Variants in FNDC3B observed in about 807,000 individuals in gnomAD.
FNDC3B encodes fibronectin type III domain-containing protein 3B.
Under a neutral mutation model 151.5 loss-of-function variants are expected in FNDC3B, and 12 were observed. The ratio of observed to expected loss-of-function variants is 0.08; its 90% confidence interval spans 0.05 to 0.13. The LOEUF is 0.13. FNDC3B is among the 10% of genes least tolerant of loss of function. The probability of loss-of-function intolerance (pLI) is 1.00; values close to 1 mark genes in which losing one functional copy is unlikely to be tolerated. For missense variants in FNDC3B, 1,214 were observed against 1,505.3 expected (o/e 0.81, Z 3.20); for synonymous variants, 528 against 549.0 (o/e 0.96, Z 0.54).
intron 1 of FNDC3B, among the ~76,000 whole-genome samples, chr3:172,062,227 T>C (rs1365765031): frequency 6.6e-6 from 1 of 152,110 alleles, no homozygotes; most frequent in Non-Finnish European, 1.5e-5. Flanking sequence ...CTTTTCCTTT[T>C]CTAGGGTTGG....
chr3:172,200,002 T>TATTC (rs1238059887), intron 3 of FNDC3B, among the ~76,000 whole-genome samples: 31,821 of 150,728 alleles, frequency 0.21, 4,171 homozygotes, highest in African/African-American at 0.37. Context: ...CAATACTTTG[T>TATTC]ATTCATTCAT....
chr3:172,351,086 C>A (rs1358296288), intron 21 of FNDC3B, among the ~76,000 whole-genome samples: 2 of 152,130 alleles, frequency 1.3e-5, no homozygotes, highest in African/African-American at 4.8e-5. Context: ...CAACTTTGCC[C>A]TTATGTAACT....
chr3:172,197,199 A>G (rs192878714), intron 3 of FNDC3B, among the ~76,000 whole-genome samples: 6 of 152,192 alleles, frequency 3.9e-5, no homozygotes, highest in African/African-American at 7.2e-5. Flanking sequence ...ATAAAATAAA[A>G]TAAAGTAAAA....
At chr3:172,120,602 T>A (rs1402366912) in intron 2 of FNDC3B, among the ~76,000 whole-genome samples, 1 of 152,150 alleles carries the variant, frequency 6.6e-6, no homozygotes, top group East Asian at 1.9e-4. Flanking sequence ...TGTTTTTGTT[T>A]TTTTACCTTT....
intron 3 of FNDC3B, among the ~76,000 whole-genome samples, chr3:172,177,060 G>C (rs1357312265): frequency 6.6e-6 from 1 of 152,178 alleles, no homozygotes; most frequent in Non-Finnish European, 1.5e-5. Context: ...AGATGGTGGA[G>C]GATGAGGAAC....
chr3:172,299,497 A>C (rs1730792946), intron 9 of FNDC3B, among the ~76,000 whole-genome samples: 1 of 152,244 alleles, frequency 6.6e-6, no homozygotes, highest in African/African-American at 2.4e-5. Flanking sequence ...TTTGCCAATA[A>C]GAAGGTCTGA....
At chr3:172,093,459 C>A (rs568148875) in intron 1 of FNDC3B, among the ~76,000 whole-genome samples, 2 of 151,848 alleles carry the variant, frequency 1.3e-5, no homozygotes, top group South Asian at 2.1e-4. Flanking sequence ...GGGGTTTCAT[C>A]GTGTTAGCCA....
intron 22 of FNDC3B, among the ~76,000 whole-genome samples, chr3:172,359,016 G>GAT (rs1734240005): frequency 7.5e-6 from 1 of 133,610 alleles, no homozygotes; most frequent in African/African-American, 2.8e-5. Flanking sequence ...TGGTGGTGGT[G>GAT]GTGATGGTGG....
At chr3:172,238,824 AG>A (rs1727304379) in intron 4 of FNDC3B, among the ~76,000 whole-genome samples, 1 of 152,222 alleles carries the variant, frequency 6.6e-6, no homozygotes, top group African/African-American at 2.4e-5. Flanking sequence ...GGATTAAAGT[AG>A]AACTTACACT....
At chr3:172,133,319 A>G (rs1413661806) in intron 2 of FNDC3B, 152 bp from the exon 3 acceptor site, 3 of 620,556 alleles carry the variant, frequency 4.8e-6, no homozygotes, top group Non-Finnish European at 8.6e-6. Flanking sequence ...TCCTACCCCC[A>G]TGCCCCCAAT....
In FNDC3B at chr3:172,203,112, T is replaced by C. The variant is rs145507458; in HGVS notation, c.188-23759T>C. Among the ~76,000 whole-genome samples, 912 of 152,234 alleles carry C rather than the reference T, an allele frequency of 6.0e-3. 13 individuals carry two copies. Among genetic ancestry groups the C allele is most frequent in the African/African-American group, 0.021 (873 of 41,534 alleles). ...ATTTACCCATTATTTTCGATATATA[T>C]AGAAGTGGGAATGAATACTTAGCAA... On this transcript the variant is annotated intron_variant, in intron 3 of 25. Coordinates refer to ENST00000415807, the MANE Select transcript of FNDC3B (RefSeq NM_022763.4).
chr3:172,222,880 G>A (rs1410623245), intron 3 of FNDC3B, among the ~76,000 whole-genome samples: 1 of 152,220 alleles, frequency 6.6e-6, no homozygotes, highest in Non-Finnish European at 1.5e-5. Flanking sequence ...TGATCTTGCA[G>A]CCTTGGTGGA....
chr3:172,248,867 G>A (rs1377654705), intron 5 of FNDC3B, among the ~76,000 whole-genome samples: 1 of 146,052 alleles, frequency 6.8e-6, no homozygotes, highest in Non-Finnish European at 1.5e-5. Flanking sequence ...TGTGTGTTTT[G>A]TTTATTTTTT....
chr3:172,217,934 C>G (rs531963880), intron 3 of FNDC3B, among the ~76,000 whole-genome samples: 32 of 152,072 alleles, frequency 2.1e-4, no homozygotes, highest in Non-Finnish European at 4.4e-4. Context: ...AAGATGGTGG[C>G]TACCCTTATT....
chr3:172,279,657 T>G (rs1229076365), intron 6 of FNDC3B, among the ~76,000 whole-genome samples: 1 of 152,246 alleles, frequency 6.6e-6, no homozygotes, highest in African/African-American at 2.4e-5. Context: ...TTTTGGAGAT[T>G]AACTGCATTG....
intron 17 of FNDC3B, among the ~76,000 whole-genome samples, chr3:172,342,291 C>G (rs1431485166): frequency 6.6e-6 from 1 of 152,164 alleles, no homozygotes; most frequent in East Asian, 1.9e-4. Flanking sequence ...TGGAGTAAAT[C>G]CAAATCAAAG....
At chr3:172,084,467 A>C (rs887544103) in intron 1 of FNDC3B, among the ~76,000 whole-genome samples, 2 of 148,496 alleles carry the variant, frequency 1.3e-5, no homozygotes, top group Admixed American at 6.8e-5. Context: ...AAATATGTAT[A>C]TGTATACACA....
At chr3:172,331,418 C>T (rs1434824757) in intron 13 of FNDC3B, among the ~76,000 whole-genome samples, 6 of 152,024 alleles carry the variant, frequency 3.9e-5, no homozygotes, top group East Asian at 1.9e-4. Context: ...AGTGCAGTGG[C>T]GCGATGTTGG....
chr3:172,110,979 A>G (rs138971224), intron 1 of FNDC3B, among the ~76,000 whole-genome samples: 4,234 of 151,896 alleles, frequency 0.028, 188 homozygotes, highest in African/African-American at 0.092. Context: ...CGTGCCTGTA[A>G]TCCCAGCTAC....
Sources: gnomAD v4.1 joint callset for allele counts (sites outside exome capture counted in the v4.1 genomes callset) on GRCh38, gnomAD v4.1.1 for gene constraint, MANE v1.5 for transcripts, NCBI Gene and HGNC (gene_info 2026-07-23, HGNC 2026-07-21) for gene names.